The following CYSLTR2 variants were observed in gnomAD, a reference collection of about 807,000 sequenced individuals.
CYSLTR2 encodes G-protein coupled receptor GPCR21.
For missense variants in CYSLTR2, 398 were observed against 411.9 expected (o/e 0.97, Z 0.29); for synonymous variants, 179 against 160.8 (o/e 1.11, Z -0.86).
chr13:48,682,834 A>G (rs777235604), intron 1 of CYSLTR2, among the ~76,000 whole-genome samples: 1 of 152,148 alleles, frequency 6.6e-6, no homozygotes, highest in Non-Finnish European at 1.5e-5. Context: ...TCAAGTACTA[A>G]GCTTAGTACC....
intron 4 of CYSLTR2, among the ~76,000 whole-genome samples, chr13:48,703,528 G>A (rs1159210365): frequency 6.6e-6 from 1 of 152,010 alleles, no homozygotes; most frequent in East Asian, 1.9e-4. Context: ...GATTGTGAAT[G>A]GATATTGAAT....
chr13:48,683,522 AATAAT>A (rs1953814824), intron 1 of CYSLTR2, among the ~76,000 whole-genome samples: 1 of 152,052 alleles, frequency 6.6e-6, no homozygotes, highest in African/African-American at 2.4e-5. Context: ...TGGCCACATG[AATAAT>A]ATGTCTTCTT....
At chr13:48,667,720 A>G (rs992429117) in intron 1 of CYSLTR2, among the ~76,000 whole-genome samples, 1 of 152,196 alleles carries the variant, frequency 6.6e-6, no homozygotes, top group Admixed American at 6.5e-5. Context: ...GAACATTTCT[A>G]TGATTTATAA....
intron 1 of CYSLTR2, among the ~76,000 whole-genome samples, chr13:48,674,426 G>A (rs572363587): frequency 6.6e-6 from 1 of 152,094 alleles, no homozygotes; most frequent in South Asian, 2.1e-4. Flanking sequence ...ATTGATACTT[G>A]TATATGCTTC....
At chr13:48,668,657 T>C (rs1342420572) in intron 1 of CYSLTR2, among the ~76,000 whole-genome samples, 1 of 152,188 alleles carries the variant, frequency 6.6e-6, no homozygotes, top group Admixed American at 6.5e-5. Context: ...GTGCAGAATG[T>C]ACAGGTTTGA....
At chr13:48,659,668 AG>A in intron 1 of CYSLTR2, among the ~76,000 whole-genome samples, 1 of 152,318 alleles carries the variant, frequency 6.6e-6, no homozygotes, top group South Asian at 2.1e-4. Context: ...ATCAATCCGT[AG>A]GGATTTATTG....
chr13:48,699,306 A>T (rs1042386769), intron 4 of CYSLTR2, among the ~76,000 whole-genome samples: 1 of 152,218 alleles, frequency 6.6e-6, no homozygotes, highest in Non-Finnish European at 1.5e-5. Flanking sequence ...AAAGAACAGA[A>T]ATTATAACAA....
intron 4 of CYSLTR2, among the ~76,000 whole-genome samples, chr13:48,698,172 A>T (rs1954245597): frequency 6.6e-6 from 1 of 152,120 alleles, no homozygotes; most frequent in African/African-American, 2.4e-5. Context: ...TACAGAGAAC[A>T]CCACTAAGAT....
chr13:48,683,648 A>T (rs1953817907), intron 1 of CYSLTR2, among the ~76,000 whole-genome samples: 1 of 152,020 alleles, frequency 6.6e-6, no homozygotes, highest in African/African-American at 2.4e-5. Flanking sequence ...TGTCAGATGC[A>T]TAGCTTGCAA....
At position 48,707,080 on chromosome 13, in the gene CYSLTR2, T is replaced by G; in HGVS notation, c.263T>G (p.Ile88Arg). 1 of 1,614,214 alleles carries G rather than the reference T, an allele frequency of 6.2e-7. No individual in the cohort carries two copies. The highest frequency in any genetic ancestry group is 8.5e-7 in the Non-Finnish European group (1 of 1,180,042). The change falls in exon 5 of 5, where the codon ATA (isoleucine) becomes AGA (arginine). Residue 88 changes from isoleucine (I) to arginine (R), a missense_variant. By Grantham distance (97) the Ile-to-Arg change is moderately conservative. Coordinates refer to ENST00000682523, the MANE Select transcript of CYSLTR2 (RefSeq NM_001308476.3). Reference sequence around the variant, plus strand: ...CTGGCCATTTCAGATCTCCTGTTCATAAGCACGCTTCCCTTCAGGGCTGAC... The same window carrying G: ...CTGGCCATTTCAGATCTCCTGTTCAGAAGCACGCTTCCCTTCAGGGCTGAC... ...LNLAISDLLF[I>R]STLPFRADYY...
chr13:48,658,462 T>G (rs1359107), intron 1 of CYSLTR2, among the ~76,000 whole-genome samples: 31,060 of 152,156 alleles, frequency 0.2, 3,406 homozygotes, highest in South Asian at 0.26. Context: ...CTGAGCACAT[T>G]CATGTGCTTC....
chr13:48,666,437 A>C (rs747127450), intron 1 of CYSLTR2, among the ~76,000 whole-genome samples: 1 of 152,108 alleles, frequency 6.6e-6, no homozygotes, highest in Non-Finnish European at 1.5e-5. Flanking sequence ...CTGGATGCCC[A>C]TCTCTCTCTC....
At chr13:48,695,827 T>C (rs188767529) in intron 3 of CYSLTR2, among the ~76,000 whole-genome samples, 259 of 152,398 alleles carry the variant, frequency 1.7e-3, no homozygotes, top group African/African-American at 5.9e-3. Flanking sequence ...ATCTGAGTTA[T>C]TTCCAGTTTG....
At chr13:48,690,149 T>G (rs1954002211) in intron 1 of CYSLTR2, among the ~76,000 whole-genome samples, 1 of 152,234 alleles carries the variant, frequency 6.6e-6, no homozygotes, top group Admixed American at 6.5e-5. Context: ...AAGGAGTTTT[T>G]GGGCTGAGAT....
intron 1 of CYSLTR2, among the ~76,000 whole-genome samples, chr13:48,665,398 G>C (rs1953236286): frequency 6.6e-6 from 1 of 152,008 alleles, no homozygotes; most frequent in African/African-American, 2.4e-5. Context: ...GATCTGTCCA[G>C]TGCCAAGAAT....
At position 48,681,649 on chromosome 13, in the gene CYSLTR2, G is replaced by A. The variant is rs994417481; in HGVS notation, c.-265-9563G>A. ...TCTCTTGTCTGTGGTCATGCCTGCC[G>A]GATTTCATGCCCTACCTTTGACAAG... is the stretch of plus-strand genomic sequence containing the variant. On this transcript the variant is annotated intron_variant, in intron 1 of 4. Transcript: ENST00000682523. 4.6e-5 allele frequency among the ~76,000 whole-genome samples: 7 copies of A among 152,082 alleles called. No individual in the cohort carries two copies. In the South Asian group the frequency reaches 8.3e-4, roughly 18 times the overall value.
At chr13:48,670,602 A>T (rs941153186) in intron 1 of CYSLTR2, among the ~76,000 whole-genome samples, 2 of 152,062 alleles carry the variant, frequency 1.3e-5, no homozygotes, top group African/African-American at 4.8e-5. Flanking sequence ...GTGTGGTGTT[A>T]TTTCTGAGGC....
intron 1 of CYSLTR2, among the ~76,000 whole-genome samples, chr13:48,667,038 T>C (rs553724046): frequency 6.6e-6 from 1 of 152,340 alleles, no homozygotes; most frequent in East Asian, 1.9e-4. Context: ...TTCAATTTTA[T>C]GGAGTAGGTT....
At chr13:48,700,199 T>A (rs906356036) in intron 4 of CYSLTR2, among the ~76,000 whole-genome samples, 13 of 151,710 alleles carry the variant, frequency 8.6e-5, no homozygotes, top group Non-Finnish European at 1.8e-4. Context: ...TACCAAAGCC[T>A]GGCAGAGACA....
Sources: gnomAD v4.1 joint callset for allele counts (sites outside exome capture counted in the v4.1 genomes callset) on GRCh38, gnomAD v4.1.1 for gene constraint, MANE v1.5 for transcripts, NCBI Gene and HGNC (gene_info 2026-07-23, HGNC 2026-07-21) for gene names.